Variants in TMEM132C observed in about 807,000 individuals in gnomAD.
The protein encoded by TMEM132C is protein phosphatase 1, regulatory subunit 152.
TMEM132C carries 29 observed loss-of-function variants against 61.4 expected under a neutral mutation model. The ratio of observed to expected loss-of-function variants is 0.47; its 90% CI spans 0.35 to 0.64. The LOEUF (loss-of-function observed/expected upper bound fraction) is 0.64, where lower values mean the gene tolerates loss of function less well. Ranked by LOEUF, TMEM132C falls within the 30% of genes least tolerant of loss-of-function variation. TMEM132C has a pLI of 0.00. For missense variants in TMEM132C, 1,408 were observed against 1,476.9 expected, an observed-to-expected ratio of 0.95 and a Z score of 0.76; for synonymous variants, 656 against 633.1, an observed-to-expected ratio of 1.04 and a Z score of -0.54.
chr12:128,481,372 G>A (rs760506581), intron 2 of TMEM132C, among the ~76,000 whole-genome samples: 2 of 152,202 alleles, frequency 1.3e-5, no homozygotes, highest in African/African-American at 2.4e-5. Context: ...AATGGGGACA[G>A]GACGTCCACC....
intron 3 of TMEM132C, among the ~76,000 whole-genome samples, chr12:128,561,141 T>C (rs1324904848): frequency 1.3e-5 from 2 of 152,204 alleles, no homozygotes; most frequent in African/African-American, 4.8e-5. Flanking sequence ...AGGGGGAGGA[T>C]TTATTCTTCA....
chr12:128,515,357 A>C (rs935529778), intron 2 of TMEM132C, among the ~76,000 whole-genome samples: 1 of 152,220 alleles, frequency 6.6e-6, no homozygotes, highest in South Asian at 2.1e-4. Flanking sequence ...TTCTGTGAGC[A>C]TGAGTACTCT....
intron 5 of TMEM132C, among the ~76,000 whole-genome samples, chr12:128,674,724 A>T (rs1284478789): frequency 6.6e-6 from 1 of 152,194 alleles, no homozygotes; most frequent in Non-Finnish European, 1.5e-5. Context: ...GTATTTGGTT[A>T]CATGAGTAAG....
intron 5 of TMEM132C, among the ~76,000 whole-genome samples, chr12:128,673,376 T>A (rs1267404339): frequency 6.6e-6 from 1 of 152,224 alleles, no homozygotes; most frequent in African/African-American, 2.4e-5. Flanking sequence ...GGCATCCTGA[T>A]CTCAGACTTC....
intron 1 of TMEM132C, among the ~76,000 whole-genome samples, chr12:128,322,808 G>GA (rs2135936738): frequency 6.6e-6 from 1 of 152,308 alleles, no homozygotes; most frequent in East Asian, 1.9e-4. Context: ...AAGGTTTCTT[G>GA]AGTTTTACAT....
At chr12:128,413,490 A>G (rs1014564533) in intron 1 of TMEM132C, among the ~76,000 whole-genome samples, 2 of 151,972 alleles carry the variant, frequency 1.3e-5, no homozygotes, top group Admixed American at 6.6e-5. Context: ...GCAGCAATAT[A>G]CTAAGACTGT....
chr12:128,674,008 G>A (rs1158605114), intron 5 of TMEM132C, among the ~76,000 whole-genome samples: 3 of 152,210 alleles, frequency 2.0e-5, no homozygotes, highest in Non-Finnish European at 4.4e-5. Context: ...GTAAGAATTG[G>A]ATGCAACTCA....
chr12:128,337,764 CT>C (rs1872828395), intron 1 of TMEM132C, among the ~76,000 whole-genome samples: 1 of 152,170 alleles, frequency 6.6e-6, no homozygotes, highest in Non-Finnish European at 1.5e-5. Context: ...CATAGCACTC[CT>C]TCTCATATTT....
chr12:128,559,156 TACACACACAA>T lies in TMEM132C; in HGVS notation c.1121+15063_1121+15072del, dbSNP rs1477463775. 1.1e-4 allele frequency among the ~76,000 whole-genome samples: 16 copies of T among 147,844 alleles called. No homozygotes were observed. The South Asian group carries it at 3.3e-3, about 31-fold the overall frequency. ...ACACACAGACACACACACAAACACA[TACACACACAA>T]ACACACACACAGACACACACACACA... On this transcript the variant is annotated intron_variant, in intron 3 of 8. Transcript: ENST00000435159.
chr12:128,453,856 G>C (rs1025908553), intron 2 of TMEM132C, among the ~76,000 whole-genome samples: 3 of 152,156 alleles, frequency 2.0e-5, no homozygotes, highest in Admixed American at 2.0e-4. Context: ...CAAGAAAGAT[G>C]ATAGGTTTTG....
At chr12:128,338,777 T>TATATATATATATATATATATATA (rs1565905368) in intron 1 of TMEM132C, among the ~76,000 whole-genome samples, 23 of 149,138 alleles carry the variant, frequency 1.5e-4, no homozygotes, top group African/African-American at 5.1e-4. Context: ...TATATATATA[T>TATATATATATATATATATATATA]TTTGCACAAA....
At chr12:128,308,131 G>A (rs1406704013) in intron 1 of TMEM132C, among the ~76,000 whole-genome samples, 2 of 152,188 alleles carry the variant, frequency 1.3e-5, no homozygotes, top group African/African-American at 2.4e-5. Context: ...GCAGGTGGCC[G>A]TCTTTCCTAA....
chr12:128,653,302 G>C (rs1954291606), intron 4 of TMEM132C, among the ~76,000 whole-genome samples: 1 of 152,210 alleles, frequency 6.6e-6, no homozygotes, highest in Non-Finnish European at 1.5e-5. Flanking sequence ...AATGGGATTA[G>C]AGTCGCCTTC....
intron 2 of TMEM132C, among the ~76,000 whole-genome samples, chr12:128,419,594 C>T (rs1271474832): frequency 4.1e-5 from 6 of 145,076 alleles, no homozygotes; most frequent in Admixed American, 2.7e-4. Context: ...TTTTTTTTGG[C>T]GAAAGGAAAG....
At chr12:128,395,078 TATAGAC>T (rs1156498463) in intron 1 of TMEM132C, among the ~76,000 whole-genome samples, 2 of 151,744 alleles carry the variant, frequency 1.3e-5, no homozygotes, top group Non-Finnish European at 1.5e-5. Flanking sequence ...CAAACACACA[TATAGAC>T]ATATATACAA....
At chr12:128,419,385 C>T (rs1339931010) in intron 2 of TMEM132C, among the ~76,000 whole-genome samples, 1 of 152,116 alleles carries the variant, frequency 6.6e-6, no homozygotes, top group Non-Finnish European at 1.5e-5. Flanking sequence ...AGTGCGAAGG[C>T]TCTGGACTTC....
intron 2 of TMEM132C, among the ~76,000 whole-genome samples, chr12:128,529,902 GAAATGTTTATATTAGAAAATTAC>G (rs1873224191): frequency 6.6e-6 from 1 of 152,150 alleles, no homozygotes; most frequent in Non-Finnish European, 1.5e-5. Flanking sequence ...GATGATTAGG[GAAATGTTTATATTAGAAAATTAC>G]AAATTTTGTT....
Position 128,702,386 on chromosome 12 carries a change from A to G in TMEM132C, c.2122-2704A>G, listed in dbSNP as rs536266117. On this transcript the variant is annotated intron_variant, in intron 8 of 8. Transcript: ENST00000435159. ...AAATGTATTATTATGAAATGTTATT[A>G]TTTCATAAATAACATTATTTATTGT... Among the ~76,000 whole-genome samples, 6 of 152,148 alleles carry G rather than the reference A, an allele frequency of 3.9e-5. No individual in the cohort carries two copies. The East Asian group carries it at 1.2e-3, about 29-fold the overall frequency.
At chr12:128,403,599 A>C (rs1053862060) in intron 1 of TMEM132C, among the ~76,000 whole-genome samples, 1 of 152,216 alleles carries the variant, frequency 6.6e-6, no homozygotes. Context: ...CCAATTGTTA[A>C]GCATGCTGAG....
Sources: allele counts gnomAD v4.1 joint callset (sites outside exome capture counted in the v4.1 genomes callset), GRCh38; gene constraint gnomAD v4.1.1; transcripts MANE v1.5; gene names NCBI Gene and HGNC (gene_info 2026-07-23, HGNC 2026-07-21).